Variants in LUZP2 observed in about 807,000 individuals in gnomAD.
LUZP2 encodes leucine zipper protein 2.
Under a neutral mutation model 51.6 loss-of-function variants are expected in LUZP2, and 52 were observed. The observed-to-expected ratio is 1.01, with a 90% CI of 0.81 to 1.27. LUZP2 has a LOEUF of 1.27. LUZP2 is among the 50% of genes most tolerant of loss of function. LUZP2 has a pLI of 0.00. For synonymous variants in LUZP2, 154 were observed against 137.3 expected (o/e 1.12, Z -0.85); for missense variants, 436 against 395.4 (o/e 1.10, Z -0.87).
At chr11:24,644,077 A>G (rs1033385301) in intron 1 of LUZP2, among the ~76,000 whole-genome samples, 6 of 152,192 alleles carry the variant, frequency 3.9e-5, no homozygotes, top group African/African-American at 1.2e-4. Flanking sequence ...CTGTAGGTTG[A>G]ATAATCCCCA....
chr11:24,498,621 A>T (rs567970946), intron 1 of LUZP2, among the ~76,000 whole-genome samples: 22 of 152,330 alleles, frequency 1.4e-4, no homozygotes, highest in African/African-American at 5.3e-4. Context: ...GATGGTTTTA[A>T]AGAAAACCAG....
intron 5 of LUZP2, among the ~76,000 whole-genome samples, chr11:24,810,053 G>A (rs942002512): frequency 1.3e-5 from 2 of 152,052 alleles, no homozygotes; most frequent in Admixed American, 6.5e-5. Flanking sequence ...GCAGAGGAGC[G>A]GTTATGTTTA....
intron 5 of LUZP2, among the ~76,000 whole-genome samples, chr11:24,884,837 A>C (rs1036344182): frequency 6.6e-6 from 1 of 152,064 alleles, no homozygotes; most frequent in African/African-American, 2.4e-5. Flanking sequence ...TCCTTGAAGA[A>C]ATGGGTTGTT....
At chr11:24,557,790 G>C (rs747291595) in intron 1 of LUZP2, among the ~76,000 whole-genome samples, 11 of 152,096 alleles carry the variant, frequency 7.2e-5, no homozygotes, top group African/African-American at 1.2e-4. Flanking sequence ...AGTGCAATGG[G>C]TGAATCTGAA....
intron 5 of LUZP2, among the ~76,000 whole-genome samples, chr11:24,779,998 A>T (rs1434636887): frequency 3.9e-5 from 6 of 152,142 alleles, no homozygotes; most frequent in Non-Finnish European, 7.3e-5. Context: ...GGGCCTCTGG[A>T]GGGAGCTCAA....
chr11:24,776,246 C>T (rs1438611905), intron 5 of LUZP2, among the ~76,000 whole-genome samples: 1 of 152,154 alleles, frequency 6.6e-6, no homozygotes, highest in Non-Finnish European at 1.5e-5. Flanking sequence ...CTGTGCAATT[C>T]ATATTTTAAT....
chr11:24,811,786 G>T (rs1022396678), intron 5 of LUZP2, among the ~76,000 whole-genome samples: 2 of 151,950 alleles, frequency 1.3e-5, no homozygotes, highest in African/African-American at 4.8e-5. Flanking sequence ...AAGGTATCAC[G>T]TCCTTCCTAG....
intron 4 of LUZP2, among the ~76,000 whole-genome samples, chr11:24,743,371 G>T (rs992024894): frequency 6.6e-6 from 1 of 152,014 alleles, no homozygotes; most frequent in African/African-American, 2.4e-5. Context: ...TCTTTCAGCA[G>T]TGTTTTGTAG....
intron 1 of LUZP2, among the ~76,000 whole-genome samples, chr11:24,540,509 G>C (rs1851324567): frequency 6.6e-6 from 1 of 152,066 alleles, no homozygotes; most frequent in African/African-American, 2.4e-5. Flanking sequence ...GCCAGAAAGT[G>C]CCCTCTCACC....
intron 9 of LUZP2, among the ~76,000 whole-genome samples, chr11:25,006,020 A>G (rs1008801231): frequency 1.1e-4 from 17 of 152,132 alleles, no homozygotes; most frequent in African/African-American, 4.1e-4. Flanking sequence ...CCTTACTTAT[A>G]TGAATAGGAA....
intron 1 of LUZP2, among the ~76,000 whole-genome samples, chr11:24,627,839 C>A (rs1854737509): frequency 6.6e-6 from 1 of 152,178 alleles, no homozygotes; most frequent in South Asian, 2.1e-4. Flanking sequence ...TCAGAGCATT[C>A]CCTCCAGCTT....
At chr11:24,892,422 A>G (rs1209117589) in intron 5 of LUZP2, 1 of 977,544 alleles carries the variant, frequency 1.0e-6, no homozygotes, top group Non-Finnish European at 1.2e-6. Context: ...AGCACTTATT[A>G]TAAAAATTAA....
intron 5 of LUZP2, among the ~76,000 whole-genome samples, chr11:24,826,947 T>G (rs1177295106): frequency 1.3e-5 from 2 of 151,782 alleles, no homozygotes; most frequent in African/African-American, 4.8e-5. Context: ...CACAGAACAA[T>G]TAAAAACATC....
chr11:24,614,679 A>G (rs1279374723), intron 1 of LUZP2, among the ~76,000 whole-genome samples: 1 of 151,756 alleles, frequency 6.6e-6, no homozygotes, highest in African/African-American at 2.4e-5. Flanking sequence ...TCTTGGGAAA[A>G]CTTTTCCTCG....
intron 5 of LUZP2, among the ~76,000 whole-genome samples, chr11:24,798,329 T>G (rs573790726): frequency 6.6e-6 from 1 of 151,912 alleles, no homozygotes; most frequent in African/African-American, 2.4e-5. Context: ...TCCCAAGTAG[T>G]TGGGACTAAA....
intron 9 of LUZP2, among the ~76,000 whole-genome samples, chr11:24,988,835 A>T (rs907149376): frequency 5.3e-5 from 8 of 152,040 alleles, no homozygotes; most frequent in Non-Finnish European, 1.2e-4. Context: ...TAAGGACAAT[A>T]TCTTTTTTAC....
intron 9 of LUZP2, among the ~76,000 whole-genome samples, chr11:25,014,217 C>T (rs535911368): frequency 1.7e-3 from 264 of 152,230 alleles, no homozygotes; most frequent in Middle Eastern, 6.8e-3. Context: ...CATACGTGTG[C>T]GTGTGTCTTT....
At chr11:24,851,155 T>C (rs537497454) in intron 5 of LUZP2, among the ~76,000 whole-genome samples, 4 of 152,192 alleles carry the variant, frequency 2.6e-5, no homozygotes, top group Admixed American at 1.3e-4. Flanking sequence ...TTCTGTTGAA[T>C]AGAAGTGGTG....
chr11:24,880,796 A>C (rs1448227472), intron 5 of LUZP2, among the ~76,000 whole-genome samples: 1 of 150,892 alleles, frequency 6.6e-6, no homozygotes, highest in Non-Finnish European at 1.5e-5. Context: ...GTGTTTTGGA[A>C]CTCGGATGTT....
Sources: gnomAD v4.1 joint callset for allele counts (sites outside exome capture counted in the v4.1 genomes callset) on GRCh38, gnomAD v4.1.1 for gene constraint, MANE v1.5 for transcripts, NCBI Gene and HGNC (gene_info 2026-07-23, HGNC 2026-07-21) for gene names.